The following SEPTIN6 variants were observed in gnomAD, a reference collection of about 807,000 sequenced individuals.
The protein encoded by SEPTIN6 is septin 6.
SEPTIN6 carries 8 observed loss-of-function variants against 33.6 expected under a neutral mutation model. The ratio of observed to expected loss-of-function variants is 0.24; its 90% CI spans 0.14 to 0.43. The LOEUF (loss-of-function observed/expected upper bound fraction) is 0.43, where lower values mean the gene tolerates loss of function less well. SEPTIN6 is among the 20% of genes least tolerant of loss of function. SEPTIN6 has a pLI of 1.00. For synonymous variants in SEPTIN6, 131 were observed against 140.0 expected (o/e 0.94, Z 0.45); for missense variants, 250 against 340.8 (o/e 0.73, Z 2.10).
In SEPTIN6 at chrX:119,619,049, C is replaced by T; in HGVS notation, c.*1044G>A. Reference sequence around the variant, plus strand: ...GGCCTTTTCTTCTCTCCGGCCGAGTCTCATCTCTTCTTATTGGGGGATGCA... The same window carrying T: ...GGCCTTTTCTTCTCTCCGGCCGAGTTTCATCTCTTCTTATTGGGGGATGCA... On this transcript the variant is annotated 3_prime_UTR_variant, in exon 11 of 11. Transcript: ENST00000394610. 2.1e-6 allele frequency: 2 copies of T among 939,457 alleles called. No homozygotes were observed. Among genetic ancestry groups the T allele is most frequent in the Non-Finnish European group, 1.3e-6 (1 of 755,916 alleles). The allele number at this position is 939,457 out of a possible 1,213,427, so 77.4% of individuals were successfully genotyped here.
intron 5 of SEPTIN6, among the ~76,000 whole-genome samples, chrX:119,647,321 G>GCTCCT (rs1485190236): frequency 8.4e-5 from 9 of 107,739 alleles, no homozygotes; most frequent in African/African-American, 3.1e-4. Flanking sequence ...GGAATTCCCT[G>GCTCCT]CTCCTCTCCT....
In SEPTIN6 at chrX:119,673,417, C is replaced by A. The variant is rs184968086; in HGVS notation, c.145+2137G>T. On this transcript the variant is annotated intron_variant, in intron 2 of 10. Transcript: ENST00000394610. The stretch of plus-strand genomic sequence containing the variant: ...TGAGCCATTTAGCTAGGGAGTGAGC[C>A]TAGCTTGTGGGAACAACTGCCCGTC... Among the ~76,000 whole-genome samples the A allele has an allele frequency of 2.2e-4, 24 of 110,891 alleles. No individual in the cohort carries two copies. In the East Asian group the frequency reaches 4.3e-3, roughly 20 times the overall value.
At chrX:119,656,530 A>G (rs1320720483) in intron 3 of SEPTIN6, among the ~76,000 whole-genome samples, 1 of 112,340 alleles carries the variant, frequency 8.9e-6, no homozygotes, top group African/African-American at 3.2e-5. Context: ...CAGCTTGAGT[A>G]AATTATTCAC....
chrX:119,690,978 G>A (rs923479521), intron 1 of SEPTIN6, among the ~76,000 whole-genome samples: 4 of 110,617 alleles, frequency 3.6e-5, no homozygotes, highest in Non-Finnish European at 5.7e-5. Context: ...GGAGAGTGAC[G>A]TCAGTTTTCC....
Position 119,625,319 on chromosome X carries a change from A to G in SEPTIN6, c.*41+16T>C. On this transcript the variant is annotated intron_variant, in intron 10 of 10. Transcript: ENST00000394610. ...AGAAGCCACTGCCAGTTCTATTTAG[A>G]GTTAATCAAGCTTACCAGGACCCTG... The G allele has an allele frequency of 1.7e-6, 2 of 1,167,061 alleles. No individual in the cohort carries two copies. Among genetic ancestry groups the G allele is most frequent in the Middle Eastern group, 4.7e-4 (2 of 4,249 alleles).
intron 2 of SEPTIN6, among the ~76,000 whole-genome samples, chrX:119,666,485 G>A (rs762921809): frequency 8.9e-6 from 1 of 111,950 alleles, no homozygotes; most frequent in Non-Finnish European, 1.9e-5. Flanking sequence ...ATCTGTGTAT[G>A]ATGAGAGTTT....
chrX:119,627,739 C>T (rs1010209224), intron 9 of SEPTIN6, among the ~76,000 whole-genome samples: 12 of 107,333 alleles, frequency 1.1e-4, no homozygotes, highest in East Asian at 2.9e-4. Flanking sequence ...GAGGGTGCAC[C>T]GAGTTTCTGC....
chrX:119,620,555 A>G lies in SEPTIN6; in HGVS notation c.*42-504T>C, dbSNP rs775268265. ...AGGATGGTCTCGATCTCCTGACCTC[A>G]TGATCTGCCCGCCTTGGCCTCCCAA... On this transcript the variant is annotated intron_variant, in intron 10 of 10. Transcript: ENST00000394610. Among the ~76,000 whole-genome samples the G allele has an allele frequency of 6.1e-4, 67 of 109,824 alleles. 1 individual carries two copies. The highest frequency in any genetic ancestry group is 1.4e-3 in the East Asian group (5 of 3,503).
chrX:119,616,537 T>C (rs1329476571), downstream of SEPTIN6: 8 of 544,296 alleles, frequency 1.5e-5, no homozygotes, highest in Non-Finnish European at 2.6e-5. Flanking sequence ...AAATACCATG[T>C]GAGTCAGGAA....
At chrX:119,641,361 C>A (rs762440788) in intron 5 of SEPTIN6, among the ~76,000 whole-genome samples, 166 of 112,090 alleles carry the variant, frequency 1.5e-3, no homozygotes, top group Non-Finnish European at 2.9e-3. Context: ...GATTTACTCA[C>A]ATGACCATGC....
intron 3 of SEPTIN6, among the ~76,000 whole-genome samples, chrX:119,657,574 A>T (rs2147558797): frequency 9.0e-6 from 1 of 111,518 alleles, no homozygotes; most frequent in African/African-American, 3.3e-5. Flanking sequence ...GAACAATGGC[A>T]TGATCATAGC....
At chrX:119,631,448 G>A (rs1462993088) in intron 8 of SEPTIN6, among the ~76,000 whole-genome samples, 1 of 111,072 alleles carries the variant, frequency 9.0e-6, no homozygotes, top group Non-Finnish European at 1.9e-5. Context: ...CCAAAGTGTT[G>A]GGATTACAGG....
At chrX:119,620,392 C>T (rs1314660494) in intron 10 of SEPTIN6, among the ~76,000 whole-genome samples, 4 of 101,506 alleles carry the variant, frequency 3.9e-5, no homozygotes, top group Admixed American at 1.1e-4. Flanking sequence ...GATCTCGGCT[C>T]GCTGCAAGCT....
chrX:119,617,984 A>G lies in SEPTIN6; in HGVS notation c.*2109T>C. ...CCTCCGGTTTGTAATGCAAATAATT[A>G]CCGGGCGGCGGTGTGGGGAAGTGGT... On this transcript the variant is annotated 3_prime_UTR_variant, in exon 11 of 11. Coordinates refer to ENST00000394610, the MANE Select transcript of SEPTIN6 (RefSeq NM_145799.4). The G allele has an allele frequency of 1.2e-6, 1 of 804,257 alleles. No individual in the cohort carries two copies. The highest frequency in any genetic ancestry group is 1.5e-6 in the Non-Finnish European group (1 of 670,254). 66.3% of individuals were successfully genotyped at this position (804,257 alleles called of 1,213,427 possible).
At position 119,619,109 on chromosome X, in the gene SEPTIN6, A is replaced by C. The variant is rs957817561; in HGVS notation, c.*984T>G. 4.5e-6 allele frequency: 4 copies of C among 896,011 alleles called. No homozygotes were observed. Among genetic ancestry groups the C allele is most frequent in the Non-Finnish European group, 5.5e-6 (4 of 729,547 alleles). The allele number at this position is 896,011 out of a possible 1,213,427, so 73.8% of individuals were successfully genotyped here. A position where few individuals can be genotyped will look rare whatever the true frequency, so the allele number is the denominator to read the frequency against. On this transcript the variant is annotated 3_prime_UTR_variant, in exon 11 of 11. Transcript: ENST00000394610. ...CATGTTAAAAATCATCATGACATTC[A>C]CCAAATGAACTAGAAGACTCATCAG...
rs2054011804 is a variant in SEPTIN6 at position 119,633,945 on chromosome X, G to C, written c.957-453C>G. The stretch of plus-strand genomic sequence containing the variant: ...ACAAATGCTTGAGGAGACTCCATAT[G>C]TGCTAGACTCAGTACTAATTGACAT... On this transcript the variant is annotated intron_variant, in intron 7 of 10. Coordinates refer to ENST00000394610, the MANE Select transcript of SEPTIN6 (RefSeq NM_145799.4). Among the ~76,000 whole-genome samples, 5 of 112,101 alleles carry C rather than the reference G, an allele frequency of 4.5e-5. No individual in the cohort carries two copies. In the South Asian group the frequency reaches 1.9e-3, roughly 42 times the overall value.
chrX:119,646,967 C>G (rs1033968326), intron 5 of SEPTIN6: 1 of 126,354 alleles, frequency 7.9e-6, no homozygotes, highest in African/African-American at 3.3e-5. Context: ...CCCATCACAG[C>G]GCATGTAACA....
intron 5 of SEPTIN6, among the ~76,000 whole-genome samples, chrX:119,644,305 C>T (rs939279929): frequency 9.0e-6 from 1 of 111,493 alleles, no homozygotes; most frequent in Non-Finnish European, 1.9e-5. Context: ...CGCAAGCCTT[C>T]CTTGGGAGTC....
chrX:119,679,283 G>T (rs2054906515), intron 1 of SEPTIN6, among the ~76,000 whole-genome samples: 1 of 111,621 alleles, frequency 9.0e-6, no homozygotes, highest in Non-Finnish European at 1.9e-5. Flanking sequence ...CAGAAGTATG[G>T]ACTTCATTTC....
Sources: gnomAD v4.1 joint callset for allele counts (sites outside exome capture counted in the v4.1 genomes callset) on GRCh38, gnomAD v4.1.1 for gene constraint, MANE v1.5 for transcripts, NCBI Gene and HGNC (gene_info 2026-07-23, HGNC 2026-07-21) for gene names.